Variants in ARHGEF12 observed in about 807,000 individuals in gnomAD.
The protein encoded by ARHGEF12 is Rho guanine nucleotide exchange factor 12, also known as KMT2A/ARHGEF12 fusion protein.
A neutral mutation model predicts 211.2 loss-of-function variants in ARHGEF12; 66 were observed. The ratio of observed to expected loss-of-function variants is 0.31; its 90% confidence interval spans 0.26 to 0.38. ARHGEF12 has a LOEUF of 0.38. ARHGEF12 is among the 10% of genes least tolerant of loss of function. The pLI, the probability that ARHGEF12 is intolerant of heterozygous loss-of-function variation, is 1.00. For synonymous variants in ARHGEF12, 592 were observed against 638.4 expected (o/e 0.93, Z 1.09); for missense variants, 1,429 against 1,869.5 (o/e 0.76, Z 4.34).
rs550766672 is a variant in ARHGEF12, at chr11:120,365,231, G to A, written c.32+27956G>A. On this transcript the variant is annotated intron_variant, in intron 1 of 40. Coordinates refer to ENST00000397843, the MANE Select transcript of ARHGEF12 (RefSeq NM_015313.3). ...TCATGAGAGACACTTTTGTTTTTAA[G>A]TGAAACCTCTGTTTAGTTTTTATTT... Among the ~76,000 whole-genome samples the A allele has an allele frequency of 1.8e-4, 27 of 152,124 alleles. 1 individual carries two copies. The highest frequency in any genetic ancestry group is 3.7e-4 in the Non-Finnish European group (25 of 68,022).
At chr11:120,436,186 C>T (rs1945688422) in intron 11 of ARHGEF12, among the ~76,000 whole-genome samples, 1 of 152,014 alleles carries the variant, frequency 6.6e-6, no homozygotes. Flanking sequence ...CTCAAATTTT[C>T]TCCTGTGTTC....
At chr11:120,472,897 C>T (rs1223505553) in intron 30 of ARHGEF12, among the ~76,000 whole-genome samples, 153 bp from the exon 31 acceptor site, 1 of 152,074 alleles carries the variant, frequency 6.6e-6, no homozygotes, top group African/African-American at 2.4e-5. Flanking sequence ...CCTCGTGATC[C>T]ACCTGCCTCA....
intron 20 of ARHGEF12, 22 bp downstream of exon 20, chr11:120,448,370 A>T (rs775340872): frequency 2.0e-5 from 31 of 1,580,066 alleles, no homozygotes; most frequent in Non-Finnish European, 2.5e-5. Context: ...ATAATGTAAT[A>T]GCATGTTCAG....
At chr11:120,443,165 G>A (rs1452355650) in intron 15 of ARHGEF12, among the ~76,000 whole-genome samples, 1 of 151,902 alleles carries the variant, frequency 6.6e-6, no homozygotes, top group Non-Finnish European at 1.5e-5. Flanking sequence ...GGGACTACAG[G>A]TGTACACCAT....
At chr11:120,395,056 C>CAAAAAAAAAAAAAAAAAAAAAA (rs758953056) in intron 1 of ARHGEF12, among the ~76,000 whole-genome samples, 2 of 34,586 alleles carry the variant, frequency 5.8e-5, no homozygotes, top group Non-Finnish European at 6.3e-5. Flanking sequence ...GACTCTATCT[C>CAAAAAAAAAAAAAAAAAAAAAA]AAAAAAAAAA....
At chr11:120,457,077 TA>T in intron 22 of ARHGEF12, 40 bp from the exon 23 acceptor site, 1 of 1,579,520 alleles carries the variant, frequency 6.3e-7, no homozygotes, top group South Asian at 1.2e-5. Context: ...GTGACTTTAT[TA>T]AGTATTAACA....
intron 27 of ARHGEF12, among the ~76,000 whole-genome samples, chr11:120,461,814 A>G (rs1946544404): frequency 1.3e-5 from 2 of 152,104 alleles, no homozygotes; most frequent in Non-Finnish European, 1.5e-5. Flanking sequence ...TTTTATGGAG[A>G]TGACTTCTTT....
chr11:120,353,202 A>G (rs887695658), intron 1 of ARHGEF12, among the ~76,000 whole-genome samples: 1 of 152,210 alleles, frequency 6.6e-6, no homozygotes, highest in Non-Finnish European at 1.5e-5. Context: ...CTCAGCATAC[A>G]GGGTCATCAA....
At chr11:120,417,129 G>A (rs1163513574) in intron 4 of ARHGEF12, among the ~76,000 whole-genome samples, 1 of 151,958 alleles carries the variant, frequency 6.6e-6, no homozygotes, top group African/African-American at 2.4e-5. Context: ...TTTTATTCAA[G>A]TGAGAGGTGC....
intron 6 of ARHGEF12, among the ~76,000 whole-genome samples, chr11:120,422,405 G>A (rs1264197769): frequency 1.3e-5 from 2 of 152,194 alleles, no homozygotes; most frequent in African/African-American, 4.8e-5. Context: ...AATAGCCACA[G>A]CACTTCAACC....
rs780218798 is a variant in ARHGEF12, at chr11:120,442,130, T to C, written c.1230T>C (p.Tyr410=). ...TCTGTTATCTCTATTCAGACCTGTA[T>C]AAACATACCAATTCCAAAGAAACTC... ...TLLCYLYSDL[Y]KHTNSKETRR... Residue 410 remains tyrosine (Y), a synonymous_variant, in exon 15 of 41, where the codon TAT becomes TAC. Transcript: ENST00000397843. 1.9e-5 allele frequency: 31 copies of C among 1,610,166 alleles called. No individual in the cohort carries two copies. In the South Asian group the frequency reaches 3.3e-4, roughly 17 times the overall value.
chr11:120,471,135 A>G (rs574513786), intron 30 of ARHGEF12, among the ~76,000 whole-genome samples: 1 of 152,362 alleles, frequency 6.6e-6, no homozygotes, highest in African/African-American at 2.4e-5. Flanking sequence ...GAAGATAAAG[A>G]TATACCCACA....
intron 4 of ARHGEF12, among the ~76,000 whole-genome samples, 170 bp from the exon 5 acceptor site, chr11:120,420,583 T>G (rs1945155231): frequency 6.6e-6 from 1 of 152,246 alleles, no homozygotes; most frequent in African/African-American, 2.4e-5. Flanking sequence ...GTGGTGTTCT[T>G]GTGTTTGCTT....
intron 34 of ARHGEF12, 72 bp downstream of exon 34, chr11:120,476,820 TA>T: frequency 8.0e-7 from 1 of 1,250,968 alleles, no homozygotes; most frequent in Non-Finnish European, 1.1e-6. Context: ...TCCATAAACT[TA>T]ACTTTGTTTT....
intron 28 of ARHGEF12, among the ~76,000 whole-genome samples, chr11:120,465,678 G>T (rs1257950259): frequency 6.6e-6 from 1 of 152,120 alleles, no homozygotes; most frequent in Non-Finnish European, 1.5e-5. Flanking sequence ...ATGTTGGCCA[G>T]GCTGGGCTCG....
At chr11:120,429,251 G>C (rs144150716) in intron 8 of ARHGEF12, among the ~76,000 whole-genome samples, 189 bp from the exon 9 acceptor site, 1 of 152,178 alleles carries the variant, frequency 6.6e-6, no homozygotes, top group Non-Finnish European at 1.5e-5. Flanking sequence ...TAGAAGGGCA[G>C]ACATTTCCTT....
At chr11:120,421,532 G>T (rs1336265256) in intron 5 of ARHGEF12, among the ~76,000 whole-genome samples, 1 of 149,416 alleles carries the variant, frequency 6.7e-6, no homozygotes, top group African/African-American at 2.5e-5. Flanking sequence ...CTGCCTCCTG[G>T]GTTAAAGCGA....
intron 32 of ARHGEF12, 101 bp from the exon 33 acceptor site, chr11:120,475,239 G>A: frequency 2.7e-6 from 3 of 1,128,046 alleles, no homozygotes; most frequent in Non-Finnish European, 3.7e-6. Context: ...AAATTTTGTA[G>A]CTTTAACAGA....
chr11:120,407,370 A>G (rs1163815300), intron 2 of ARHGEF12, among the ~76,000 whole-genome samples: 1 of 152,198 alleles, frequency 6.6e-6, no homozygotes, highest in Non-Finnish European at 1.5e-5. Context: ...ACTTGATCAT[A>G]GTATATGTAG....
Sources: allele counts gnomAD v4.1 joint callset (sites outside exome capture counted in the v4.1 genomes callset), GRCh38; gene constraint gnomAD v4.1.1; transcripts MANE v1.5; gene names NCBI Gene and HGNC (gene_info 2026-07-23, HGNC 2026-07-21).